CHL1: variants seen among roughly 807,000 people sequenced by gnomAD.
CHL1 encodes neural cell adhesion molecule L1-like protein.
In CHL1, 96 loss-of-function variants were observed where a neutral mutation model predicts 141.9. The ratio of observed to expected loss-of-function variants is 0.68; its 90% CI spans 0.57 to 0.80. The LOEUF (loss-of-function observed/expected upper bound fraction) is 0.80. CHL1 is among the 30% of genes least tolerant of loss of function. CHL1 has a pLI of 0.00. For synonymous variants in CHL1, 613 were observed against 502.2 expected (o/e 1.22, Z -2.95); for missense variants, 1,820 against 1,457.2 (o/e 1.25, Z -4.05).
At chr3:403,060 A>T (rs73105077) in intron 27 of CHL1, among the ~76,000 whole-genome samples, 92 of 152,346 alleles carry the variant, frequency 6.0e-4, no homozygotes, top group African/African-American at 1.9e-3. Flanking sequence ...CTAAAGTTTC[A>T]GCCAAAGCAC....
chr3:288,644 C>T (rs1312128186), intron 2 of CHL1, among the ~76,000 whole-genome samples: 1 of 152,140 alleles, frequency 6.6e-6, no homozygotes, highest in Non-Finnish European at 1.5e-5. Flanking sequence ...TGCCAACCCC[C>T]TACCTCTACT....
In CHL1 at chr3:405,597, C is replaced by T. The variant is rs200215536; in HGVS notation, c.3561C>T (p.Asp1187=). The part of the protein sequence containing the change: ...ADSLVEYGEG[D]HGLFSEDGSF... ...GCTTAGTCGAATACGGAGAGGGAGACCATGGTCTCTTCAGTGAAGATGGAT... is the reference window on the plus strand; with the variant it reads ...GCTTAGTCGAATACGGAGAGGGAGATCATGGTCTCTTCAGTGAAGATGGAT... The change falls in exon 28 of 28, where the codon GAC becomes GAT. Residue 1187 remains aspartate (D), a synonymous_variant. Coordinates refer to ENST00000256509, the MANE Select transcript of CHL1 (RefSeq NM_006614.4). 1.2e-5 allele frequency: 20 copies of T among 1,613,354 alleles called. No individual in the cohort carries two copies. In the East Asian group the frequency reaches 4.0e-4, roughly 32 times the overall value.
chr3:275,366 T>C (rs562689726), intron 2 of CHL1, among the ~76,000 whole-genome samples: 127 of 152,352 alleles, frequency 8.3e-4, no homozygotes, highest in Admixed American at 8.5e-4. Context: ...TGCAGGACAG[T>C]AGCAAACATC....
intron 1 of CHL1, among the ~76,000 whole-genome samples, chr3:199,512 G>A (rs957142828): frequency 1.3e-5 from 2 of 152,218 alleles, no homozygotes; most frequent in African/African-American, 4.8e-5. Flanking sequence ...GGGCCTAGCT[G>A]TAGGTCTAAG....
chr3:335,993 T>G (rs1176766354), intron 5 of CHL1, among the ~76,000 whole-genome samples: 1 of 152,238 alleles, frequency 6.6e-6, no homozygotes, highest in Non-Finnish European at 1.5e-5. Flanking sequence ...GTGAAATATT[T>G]AAATTTCAAC....
chr3:386,378 G>A (rs906663875), intron 19 of CHL1, among the ~76,000 whole-genome samples: 1 of 152,090 alleles, frequency 6.6e-6, no homozygotes, highest in Admixed American at 6.5e-5. Flanking sequence ...GGTAGAACTA[G>A]GCTTTTTAGT....
chr3:374,417 G>A (rs1407201025), intron 15 of CHL1, among the ~76,000 whole-genome samples: 1 of 152,052 alleles, frequency 6.6e-6, no homozygotes, highest in Admixed American at 6.6e-5. Flanking sequence ...CTGACTATCC[G>A]GGGTCTTCCA....
At chr3:346,376 A>G (rs1239916143) in intron 9 of CHL1, among the ~76,000 whole-genome samples, 1 of 152,164 alleles carries the variant, frequency 6.6e-6, no homozygotes, top group South Asian at 2.1e-4. Flanking sequence ...AACCTGCTCT[A>G]CTGGTTGTAT....
In CHL1 at chr3:369,025, C is replaced by T. The variant is rs543846966; in HGVS notation, c.1751+2910C>T. On this transcript the variant is annotated intron_variant, in intron 15 of 27. Transcript: ENST00000256509. The stretch of plus-strand genomic sequence containing the variant: ...TGTAGTGTAGTTTGAAGTCAGGTAG[C>T]GTGATGCCTCCAGCTTTGTTCTTTT... Among the ~76,000 whole-genome samples the T allele has an allele frequency of 2.3e-4, 35 of 152,222 alleles. No homozygotes were observed. The East Asian group carries it at 4.4e-3, about 19-fold the overall frequency.
Position 328,223 on chromosome 3 carries a change from C to T in CHL1, c.254C>T (p.Pro85Leu). The T allele has an allele frequency of 6.2e-7, 1 of 1,611,022 alleles. No individual in the cohort carries two copies. Among genetic ancestry groups the T allele is most frequent in the East Asian group, 2.2e-5 (1 of 44,726 alleles). ...PFYFTDHRII[P>L]SNNSGTFRIP... ...TATTTCACTGACCATCGGATAATTC[C>T]ATCGAACAATTCAGGAACATTCAGG... Residue 85 changes from proline to leucine, a missense_variant, in exon 5 of 28, where the codon CCA (proline) becomes CTA (leucine). Transcript: ENST00000256509.
At chr3:287,565 T>A (rs914338871) in intron 2 of CHL1, among the ~76,000 whole-genome samples, 1 of 152,214 alleles carries the variant, frequency 6.6e-6, no homozygotes, top group East Asian at 1.9e-4. Context: ...TCTACTCAGA[T>A]AATAAATGCC....
At chr3:336,201 T>G (rs1260183117) in intron 5 of CHL1, among the ~76,000 whole-genome samples, 1 of 152,096 alleles carries the variant, frequency 6.6e-6, no homozygotes, top group African/African-American at 2.4e-5. Context: ...ATGCTACAGA[T>G]GAGCAAAAAG....
intron 2 of CHL1, among the ~76,000 whole-genome samples, chr3:260,067 C>G (rs57125941): frequency 0.012 from 1,817 of 152,194 alleles, 33 homozygotes; most frequent in African/African-American, 0.041. Flanking sequence ...GAGTTCAAGA[C>G]CAGCCTGGCC....
chr3:287,204 A>G (rs903151390), intron 2 of CHL1, among the ~76,000 whole-genome samples: 1 of 151,834 alleles, frequency 6.6e-6, no homozygotes, highest in Non-Finnish European at 1.5e-5. Context: ...AAAATTTAAA[A>G]TGTCATATAT....
Position 276,189 on chromosome 3 carries a change from T to G in CHL1, c.-95+31497T>G, listed in dbSNP as rs115618045. Among the ~76,000 whole-genome samples the G allele has an allele frequency of 5.4e-3, 824 of 152,288 alleles. 4 individuals carry two copies. The highest frequency in any genetic ancestry group is 7.6e-3 in the Non-Finnish European group (515 of 68,012). On this transcript the variant is annotated intron_variant, in intron 2 of 27. Transcript: ENST00000256509. ...GTCTAAAATGCTGTGAAGGTAAAGA[T>G]CATTATGTCTGTTTAATTCACCACT...
chr3:390,218 T>C (rs1260161321), intron 20 of CHL1, among the ~76,000 whole-genome samples: 1 of 152,224 alleles, frequency 6.6e-6, no homozygotes, highest in African/African-American at 2.4e-5. Flanking sequence ...GCTCTGTATT[T>C]GGCTTATTAC....
chr3:345,269 T>A (rs1036646612), intron 9 of CHL1, among the ~76,000 whole-genome samples: 1 of 151,898 alleles, frequency 6.6e-6, no homozygotes, highest in African/African-American at 2.4e-5. Context: ...CCCACTCCTG[T>A]TTGCTATGTT....
chr3:351,745 A>C (rs896395532), intron 10 of CHL1, among the ~76,000 whole-genome samples: 1 of 152,302 alleles, frequency 6.6e-6, no homozygotes, highest in South Asian at 2.1e-4. Context: ...CAAACATAAT[A>C]TAATCAAATA....
chr3:251,931 C>A (rs565079355), intron 2 of CHL1, among the ~76,000 whole-genome samples: 41 of 152,040 alleles, frequency 2.7e-4, no homozygotes, highest in African/African-American at 9.6e-4. Context: ...TTTTTACAGT[C>A]CTGTTTAAAA....
Sources: gnomAD v4.1 joint callset for allele counts (sites outside exome capture counted in the v4.1 genomes callset) on GRCh38, gnomAD v4.1.1 for gene constraint, MANE v1.5 for transcripts, NCBI Gene and HGNC (gene_info 2026-07-23, HGNC 2026-07-21) for gene names.